Variants in PDE4B observed in about 807,000 individuals in gnomAD.
The protein encoded by PDE4B is 3',5'-cyclic-AMP phosphodiesterase 4B.
PDE4B carries 20 observed loss-of-function variants against 82.2 expected under a neutral mutation model. The observed-to-expected ratio is 0.24, with a 90% confidence interval of 0.17 to 0.35. PDE4B has a LOEUF of 0.35. Ranked by LOEUF, PDE4B falls within the 10% of genes least tolerant of loss-of-function variation. The probability of loss-of-function intolerance (pLI) is 1.00; values close to 1 mark genes in which losing one functional copy is unlikely to be tolerated. For synonymous variants in PDE4B, 320 were observed against 318.9 expected (o/e 1.00, Z -0.04); for missense variants, 655 against 907.2 (o/e 0.72, Z 3.57).
intron 3 of PDE4B, among the ~76,000 whole-genome samples, chr1:66,059,866 A>T (rs556543855): frequency 1.4e-3 from 219 of 152,298 alleles, no homozygotes; most frequent in Non-Finnish European, 2.7e-3. Flanking sequence ...GCTATATCAC[A>T]TTGTTTTTAA....
chr1:66,275,925 T>C (rs1476737646), intron 7 of PDE4B, among the ~76,000 whole-genome samples: 2 of 152,206 alleles, frequency 1.3e-5, no homozygotes, highest in East Asian at 3.8e-4. Flanking sequence ...TTTTCTGTAT[T>C]TTTCCTACCC....
intron 3 of PDE4B, among the ~76,000 whole-genome samples, chr1:66,122,558 C>G (rs551156568): frequency 6.6e-6 from 1 of 151,954 alleles, no homozygotes; most frequent in African/African-American, 2.4e-5. Flanking sequence ...TACATGTAAC[C>G]GTAAGATCAC....
At chr1:66,211,170 G>A (rs567929063) in intron 3 of PDE4B, among the ~76,000 whole-genome samples, 6 of 152,294 alleles carry the variant, frequency 3.9e-5, no homozygotes, top group South Asian at 2.1e-4. Flanking sequence ...TGAATTCCGC[G>A]TGATATGAAC....
chr1:66,008,016 A>G (rs913061660), intron 3 of PDE4B, among the ~76,000 whole-genome samples: 5 of 152,116 alleles, frequency 3.3e-5, no homozygotes, highest in South Asian at 4.2e-4. Flanking sequence ...GCAACTTCCA[A>G]CTCCCAGCTC....
intron 8 of PDE4B, among the ~76,000 whole-genome samples, chr1:66,342,779 C>T (rs1254355342): frequency 6.6e-6 from 1 of 151,072 alleles, no homozygotes; most frequent in African/African-American, 2.4e-5. Context: ...GCCAGTGGCT[C>T]ACGCCTGTAA....
At chr1:66,218,739 T>C (rs943280646) in intron 3 of PDE4B, among the ~76,000 whole-genome samples, 8 of 152,126 alleles carry the variant, frequency 5.3e-5, no homozygotes. Context: ...ACCACTAGAC[T>C]ACAGTTCCTG....
chr1:66,179,435 A>G (rs1000704014), intron 3 of PDE4B, among the ~76,000 whole-genome samples: 17 of 152,194 alleles, frequency 1.1e-4, no homozygotes, highest in African/African-American at 4.1e-4. Context: ...TGTGAAGAAG[A>G]TCCAGGAGAG....
chr1:66,024,040 C>T (rs532602333), intron 3 of PDE4B, among the ~76,000 whole-genome samples: 3 of 151,884 alleles, frequency 2.0e-5, no homozygotes, highest in Admixed American at 2.0e-4. Flanking sequence ...TATTTTTTAC[C>T]TTTTGTGCTG....
At chr1:66,362,022 C>A (rs879692564) in intron 10 of PDE4B, among the ~76,000 whole-genome samples, 4 of 151,984 alleles carry the variant, frequency 2.6e-5, no homozygotes, top group Admixed American at 1.3e-4. Context: ...GCCTGGATCT[C>A]TTATGCTGGG....
At chr1:66,302,713 A>T (rs373270990) in intron 7 of PDE4B, among the ~76,000 whole-genome samples, 19 of 152,326 alleles carry the variant, frequency 1.2e-4, no homozygotes, top group Admixed American at 6.5e-4. Context: ...AAAGTGGAAT[A>T]AAAGCAAAAG....
chr1:65,832,808 G>A (rs1403373687), intron 1 of PDE4B, among the ~76,000 whole-genome samples: 1 of 152,194 alleles, frequency 6.6e-6, no homozygotes, highest in Non-Finnish European at 1.5e-5. Context: ...AGAGTTTCAT[G>A]TGGAATTTTA....
chr1:65,819,682 G>A (rs371991933), intron 1 of PDE4B, among the ~76,000 whole-genome samples: 3 of 151,952 alleles, frequency 2.0e-5, no homozygotes, highest in African/African-American at 7.2e-5. Flanking sequence ...TGTATTTTTA[G>A]CAGAGACGGG....
chr1:66,155,151 A>G (rs1310573590), intron 3 of PDE4B, among the ~76,000 whole-genome samples: 5 of 152,122 alleles, frequency 3.3e-5, no homozygotes, highest in African/African-American at 1.2e-4. Context: ...AAAGTTACAT[A>G]TAGATTGGAG....
chr1:66,163,454 C>T (rs60611359), intron 3 of PDE4B, among the ~76,000 whole-genome samples: 1 of 151,894 alleles, frequency 6.6e-6, no homozygotes, highest in Non-Finnish European at 1.5e-5. Context: ...CTATTAATCT[C>T]TTATAATTAT....
chr1:66,363,424 G>A lies in PDE4B; in HGVS notation c.1137G>A (p.Lys379=). Residue 379 remains lysine (K), a synonymous_variant, in exon 12 of 17, where the codon AAG becomes AAA. Transcript: ENST00000341517. The part of the protein sequence containing the change: ...YAIFQERDLL[K]TFRISSDTFI... ...CAACACAGGAAAGAGACCTCCTAAA[G>A]ACATTCAGAATCTCATCTGACACAT... 2 of 1,612,872 alleles carry A rather than the reference G, an allele frequency of 1.2e-6. No individual in the cohort carries two copies. The highest frequency in any genetic ancestry group is 1.3e-5 in the African/African-American group (1 of 74,912).
chr1:66,232,869 G>T (rs757663623), intron 3 of PDE4B, among the ~76,000 whole-genome samples: 3 of 152,142 alleles, frequency 2.0e-5, no homozygotes, highest in Non-Finnish European at 4.4e-5. Context: ...TAAGGAAATG[G>T]AGACAGCAAT....
intron 3 of PDE4B, among the ~76,000 whole-genome samples, chr1:66,100,080 G>A (rs1376662244): frequency 2.0e-5 from 3 of 152,096 alleles, no homozygotes; most frequent in Non-Finnish European, 4.4e-5. Context: ...TTGAGACAGA[G>A]TCTTGCTCTG....
At chr1:66,108,229 C>G (rs1165295852) in intron 3 of PDE4B, among the ~76,000 whole-genome samples, 1 of 151,884 alleles carries the variant, frequency 6.6e-6, no homozygotes, top group African/African-American at 2.4e-5. Context: ...TGTCACCTGC[C>G]CACCCCAGTC....
At chr1:66,262,821 A>C (rs1368949636) in intron 6 of PDE4B, among the ~76,000 whole-genome samples, 2 of 152,230 alleles carry the variant, frequency 1.3e-5, no homozygotes, top group Non-Finnish European at 2.9e-5. Context: ...AACTCTAAAT[A>C]AAGCCATATT....
Sources: gnomAD v4.1 joint callset for allele counts (sites outside exome capture counted in the v4.1 genomes callset) on GRCh38, gnomAD v4.1.1 for gene constraint, MANE v1.5 for transcripts, NCBI Gene and HGNC (gene_info 2026-07-23, HGNC 2026-07-21) for gene names.